POLR3C: variants seen among roughly 807,000 people sequenced by gnomAD.
POLR3C encodes RNA polymerase III subunit C.
A neutral mutation model predicts 65.9 loss-of-function variants in POLR3C; 44 were observed. That is an observed-to-expected ratio of 0.67 (90% CI 0.52 to 0.86). The LOEUF (loss-of-function observed/expected upper bound fraction) is 0.86. Among genes scored for constraint, POLR3C ranks in the 40% least tolerant of loss-of-function variants. The pLI, the probability that POLR3C is intolerant of heterozygous loss-of-function variation, is 0.00. For missense variants in POLR3C, 576 were observed against 653.2 expected, an observed-to-expected ratio of 0.88 and a Z score of 1.29; for synonymous variants, 263 against 231.6, an observed-to-expected ratio of 1.14 and a Z score of -1.23.
Position 145,828,745 on chromosome 1 carries a change from G to A in POLR3C, c.590-4G>A, listed in dbSNP as rs782115231. 3 of 1,597,018 alleles carry A rather than the reference G, an allele frequency of 1.9e-6. No individual in the cohort carries two copies. The highest frequency in any genetic ancestry group is 2.6e-6 in the Non-Finnish European group (3 of 1,164,462). ...GTCTAAGTGTTTAATTGTTTGTTTG[G>A]CAGGGAAAGGTAAAAGGAGGAGATC... On this transcript the variant is annotated splice_region_variant and splice_polypyrimidine_tract_variant and intron_variant, in intron 4 of 14. Coordinates refer to ENST00000334163, the MANE Select transcript of POLR3C (RefSeq NM_006468.8).
intron 10 of POLR3C, 124 bp downstream of exon 10, chr1:145,837,720 A>T: frequency 1.3e-6 from 1 of 760,622 alleles, no homozygotes; most frequent in African/African-American, 1.7e-5. Flanking sequence ...TTTTCACTGG[A>T]CTCCTATGGA....
chr1:145,825,698 C>A, intron 1 of POLR3C, 59 bp from the exon 2 acceptor site: 1 of 1,048,444 alleles, frequency 9.5e-7, no homozygotes, highest in African/African-American at 1.6e-5. Context: ...TTACACTCAG[C>A]AGCTCTGCTT....
In POLR3C at chr1:145,842,470, T is replaced by C; in HGVS notation, c.*50T>C. On this transcript the variant is annotated 3_prime_UTR_variant, in exon 15 of 15. Coordinates refer to ENST00000334163, the MANE Select transcript of POLR3C (RefSeq NM_006468.8). ...AGATCTGGGGGGATGGAAAGCAAAA[T>C]AAAGGAGGTGCCTGGATGCATTATT... 1 of 1,215,144 alleles carries C rather than the reference T, an allele frequency of 8.2e-7. No individual in the cohort carries two copies. Among genetic ancestry groups the C allele is most frequent in the Non-Finnish European group, 1.2e-6 (1 of 818,354 alleles). The allele number at this position is 1,215,144 out of a possible 1,614,324, so 75.3% of individuals were successfully genotyped here. A position where few individuals can be genotyped will look rare whatever the true frequency, so the allele number is the denominator to read the frequency against.
intron 5 of POLR3C, among the ~76,000 whole-genome samples, chr1:145,832,118 T>C (rs1570732722): frequency 6.6e-6 from 1 of 152,188 alleles, no homozygotes; most frequent in East Asian, 1.9e-4. Context: ...AACCATGTCA[T>C]ATGCTTCCAA....
intron 11 of POLR3C, among the ~76,000 whole-genome samples, chr1:145,838,595 G>C (rs1252865040): frequency 1.3e-5 from 2 of 152,006 alleles, no homozygotes; most frequent in Non-Finnish European, 2.9e-5. Flanking sequence ...AGGCAGGAAG[G>C]AGACTCTCTT....
chr1:145,837,139 C>T (rs1311407614), intron 9 of POLR3C, among the ~76,000 whole-genome samples: 1 of 152,158 alleles, frequency 6.6e-6, no homozygotes, highest in Admixed American at 6.5e-5. Flanking sequence ...AAAACCCCAT[C>T]TCTACCAAAA....
At chr1:145,838,829 T>C (rs1652068102) in intron 11 of POLR3C, among the ~76,000 whole-genome samples, 1 of 152,190 alleles carries the variant, frequency 6.6e-6, no homozygotes. Flanking sequence ...CACATCTAAC[T>C]GAGTCTTTGC....
Position 145,842,432 on chromosome 1 carries a change from C to G in POLR3C, c.*12C>G. 6.4e-7 allele frequency: 1 copy of G among 1,552,886 alleles called. No individual in the cohort carries two copies. The highest frequency in any genetic ancestry group is 8.9e-7 in the Non-Finnish European group (1 of 1,125,274). On this transcript the variant is annotated 3_prime_UTR_variant, in exon 15 of 15. Transcript: ENST00000334163. ...TGAAGAGACAGTGATCCAGAAGAAG[C>G]ATCTTCCTCAGAAGATCTGGGGGGA...
chr1:145,831,063 C>T (rs1273706904), intron 5 of POLR3C, among the ~76,000 whole-genome samples: 4 of 150,560 alleles, frequency 2.7e-5, no homozygotes, highest in South Asian at 4.2e-4. Flanking sequence ...GGTGCCACTG[C>T]ACTACAGCCT....
chr1:145,830,952 A>C (rs1046525468), intron 5 of POLR3C, among the ~76,000 whole-genome samples: 9 of 151,712 alleles, frequency 5.9e-5, no homozygotes, highest in African/African-American at 9.7e-5. Flanking sequence ...AAAAAAAAAA[A>C]CACCAGACCT....
intron 7 of POLR3C, 151 bp from the exon 8 acceptor site, chr1:145,836,343 C>T: frequency 1.6e-6 from 1 of 627,826 alleles, no homozygotes; most frequent in Admixed American, 2.8e-5. Context: ...TGGTCTCCAA[C>T]TCTTGACCCA....
chr1:145,842,266 C>A (rs940502237), intron 14 of POLR3C, 73 bp from the exon 15 acceptor site: 5 of 894,128 alleles, frequency 5.6e-6, no homozygotes, highest in Non-Finnish European at 8.9e-6. Flanking sequence ...CATGGCCACA[C>A]CCACCCTAAC....
At position 145,826,609 on chromosome 1, in the gene POLR3C, C is replaced by T. The variant is rs914987950; in HGVS notation, c.303C>T (p.Asp101=). ...YIYTTKTLYS[D]TGELIVEELL... is the part of the protein sequence containing the mutation. ...ATACTACCAAAACTCTGTACAGTGACACTGGAGAGCTGATTGTTGAGGAGC... is the reference window on the plus strand; with the variant it reads ...ATACTACCAAAACTCTGTACAGTGATACTGGAGAGCTGATTGTTGAGGAGC... The change falls in exon 3 of 15, where the codon GAC becomes GAT. Residue 101 remains aspartate (D), a synonymous_variant. Coordinates refer to ENST00000334163, the MANE Select transcript of POLR3C (RefSeq NM_006468.8). 1 of 1,614,084 alleles carries T rather than the reference C, an allele frequency of 6.2e-7. No homozygotes were observed. The highest frequency in any genetic ancestry group is 8.5e-7 in the Non-Finnish European group (1 of 1,179,934).
intron 13 of POLR3C, 191 bp downstream of exon 13, chr1:145,840,356 A>G (rs1328081917): frequency 5.5e-6 from 3 of 547,510 alleles, no homozygotes; most frequent in African/African-American, 1.9e-5. Context: ...CCTGGCCAAC[A>G]TGGTGAAACC....
intron 1 of POLR3C, among the ~76,000 whole-genome samples, chr1:145,825,416 G>T (rs1288486521): frequency 3.3e-5 from 5 of 152,128 alleles, no homozygotes; most frequent in Non-Finnish European, 7.4e-5. Flanking sequence ...AGCCTATTAT[G>T]AATAATTTTC....
At chr1:145,835,234 A>C in intron 7 of POLR3C, among the ~76,000 whole-genome samples, 1 of 151,368 alleles carries the variant, frequency 6.6e-6, no homozygotes, top group Middle Eastern at 3.4e-3. Context: ...AGATCACCTG[A>C]GGAGTTCAAG....
intron 5 of POLR3C, 32 bp from the exon 6 acceptor site, chr1:145,833,228 T>C: frequency 7.5e-7 from 1 of 1,329,374 alleles, no homozygotes; most frequent in Non-Finnish European, 1.1e-6. Flanking sequence ...CTTTACACTA[T>C]AGCTAAATGT....
chr1:145,833,252 T>C lies in POLR3C; in HGVS notation c.679-8T>C. 1 of 1,556,724 alleles carries C rather than the reference T, an allele frequency of 6.4e-7. No homozygotes were observed. Among genetic ancestry groups the C allele is most frequent in the East Asian group, 2.2e-5 (1 of 44,592 alleles). On this transcript the variant is annotated splice_region_variant and splice_polypyrimidine_tract_variant and intron_variant, in intron 5 of 14. Coordinates refer to ENST00000334163, the MANE Select transcript of POLR3C (RefSeq NM_006468.8). ...ATAGCTAAATGTTTCTCTAAATCTTTTCCTCAGCCCATTCCAGATGATGGG... is the reference window on the plus strand; with the variant it reads ...ATAGCTAAATGTTTCTCTAAATCTTCTCCTCAGCCCATTCCAGATGATGGG...
Position 145,842,496 on chromosome 1 carries a change from T to C in POLR3C, c.*76T>C, listed in dbSNP as rs1416374665. ...AAAGGAGGTGCCTGGATGCATTATTTGCAGTGGGATAAGTCGCAGAGTCTT... is the reference window on the plus strand; with the variant it reads ...AAAGGAGGTGCCTGGATGCATTATTCGCAGTGGGATAAGTCGCAGAGTCTT... On this transcript the variant is annotated 3_prime_UTR_variant, in exon 15 of 15. Coordinates refer to ENST00000334163, the MANE Select transcript of POLR3C (RefSeq NM_006468.8). The C allele has an allele frequency of 1.0e-6, 1 of 958,160 alleles. No individual in the cohort carries two copies. Among genetic ancestry groups the C allele is most frequent in the Non-Finnish European group, 1.7e-6 (1 of 587,496 alleles). 59.4% of individuals were successfully genotyped at this position (958,160 alleles called of 1,614,324 possible). A position where few individuals can be genotyped will look rare whatever the true frequency, so the allele number is the denominator to read the frequency against.
Sources: gnomAD v4.1 joint callset for allele counts (sites outside exome capture counted in the v4.1 genomes callset) on GRCh38, gnomAD v4.1.1 for gene constraint, MANE v1.5 for transcripts, NCBI Gene and HGNC (gene_info 2026-07-23, HGNC 2026-07-21) for gene names.